CNST: variants seen among roughly 807,000 people sequenced by gnomAD.
The protein encoded by CNST is consortin, connexin sorting protein, also known as consortin.
CNST carries 39 observed loss-of-function variants against 72.4 expected under a neutral mutation model. The observed-to-expected ratio is 0.54, with a 90% CI of 0.42 to 0.70. The LOEUF (loss-of-function observed/expected upper bound fraction) is 0.70. CNST is among the 30% of genes least tolerant of loss of function. The pLI, the probability that CNST is intolerant of heterozygous loss-of-function variation, is 0.00. For missense variants in CNST, 871 were observed against 868.5 expected (o/e 1.00, Z -0.04); for synonymous variants, 332 against 320.1 (o/e 1.04, Z -0.40).
chr1:246,659,459 G>A (rs1319064162), intron 9 of CNST, among the ~76,000 whole-genome samples: 1 of 152,196 alleles, frequency 6.6e-6, no homozygotes, highest in Admixed American at 6.5e-5. Context: ...GCCGAGCATG[G>A]TGGCGGGTGC....
At chr1:246,643,067 T>A (rs1214220751) in intron 8 of CNST, among the ~76,000 whole-genome samples, 2 of 151,188 alleles carry the variant, frequency 1.3e-5, no homozygotes, top group East Asian at 4.0e-4. Flanking sequence ...TTTTTAAAAA[T>A]TTTTGTGGGT....
At position 246,591,635 on chromosome 1, in the gene CNST, G is replaced by A. The variant is rs113124340; in HGVS notation, c.73G>A (p.Val25Met). 129 of 1,614,192 alleles carry A rather than the reference G, an allele frequency of 8.0e-5. No individual in the cohort carries two copies. The highest frequency in any genetic ancestry group is 4.0e-4 in the African/African-American group (30 of 75,054). The change falls in exon 2 of 11, where the codon GTG becomes ATG. Residue 25 changes from valine (V) to methionine (M), a missense_variant. By Grantham distance (21) the Val-to-Met change is conservative. Transcript: ENST00000366513. ...PQDGCHPGDS[V>M]ERSVTCLPSA... ...AGATGGATGTCATCCTGGTGACAGC[G>A]TGGAAAGGAGTGTGACCTGTCTGCC...
chr1:246,599,437 C>A (rs61852376), intron 2 of CNST, among the ~76,000 whole-genome samples: 3 of 152,180 alleles, frequency 2.0e-5, no homozygotes, highest in African/African-American at 7.2e-5. Flanking sequence ...TTCCCACATT[C>A]CCCAGCTTCT....
chr1:246,627,567 T>C (rs1289732127), intron 3 of CNST, among the ~76,000 whole-genome samples: 1 of 151,924 alleles, frequency 6.6e-6, no homozygotes, highest in Non-Finnish European at 1.5e-5. Flanking sequence ...CAAAGGGAGA[T>C]TTTAAGATGA....
chr1:246,593,238 G>A (rs1370250494), intron 2 of CNST, among the ~76,000 whole-genome samples: 2 of 151,880 alleles, frequency 1.3e-5, no homozygotes, highest in South Asian at 2.1e-4. Context: ...TCTGGTTAAT[G>A]TAACTCATAA....
intron 2 of CNST, among the ~76,000 whole-genome samples, chr1:246,601,506 AATT>A (rs1350046626): frequency 6.6e-6 from 1 of 152,024 alleles, no homozygotes; most frequent in Admixed American, 6.6e-5. Context: ...TATTAAATAA[AATT>A]AATGGCCTGG....
intron 2 of CNST, among the ~76,000 whole-genome samples, chr1:246,620,810 C>T (rs1202386598): frequency 2.7e-5 from 4 of 150,084 alleles, no homozygotes; most frequent in Admixed American, 1.3e-4. Flanking sequence ...GGGAAGACGG[C>T]TTCAGTCGTG....
At chr1:246,664,463 G>A (rs1410390612) in intron 10 of CNST, among the ~76,000 whole-genome samples, 1 of 149,948 alleles carries the variant, frequency 6.7e-6, no homozygotes, top group Non-Finnish European at 1.5e-5. Flanking sequence ...GTCTCGCCCT[G>A]TGGCCCAGGC....
chr1:246,602,430 T>C (rs930618948), intron 2 of CNST, among the ~76,000 whole-genome samples: 2 of 152,150 alleles, frequency 1.3e-5, no homozygotes, highest in African/African-American at 4.8e-5. Context: ...GATAATCTGC[T>C]TCCAAGGTCA....
chr1:246,580,349 C>T (rs2103010692), intron 1 of CNST, among the ~76,000 whole-genome samples: 1 of 152,196 alleles, frequency 6.6e-6, no homozygotes, highest in African/African-American at 2.4e-5. Flanking sequence ...ATACTGTACT[C>T]TTTTGAGTAA....
At chr1:246,641,637 T>C (rs1665695017) in intron 6 of CNST, 112 bp from the exon 7 acceptor site, 2 of 670,348 alleles carry the variant, frequency 3.0e-6, no homozygotes, top group Non-Finnish European at 5.3e-6. Flanking sequence ...TGTGCTAATA[T>C]TAGAATCCAG....
chr1:246,663,182 C>T (rs1224094640), intron 10 of CNST, among the ~76,000 whole-genome samples: 1 of 151,712 alleles, frequency 6.6e-6, no homozygotes, highest in Non-Finnish European at 1.5e-5. Flanking sequence ...TGGCAAGACC[C>T]CATCTCTACA....
At chr1:246,601,523 G>A (rs1019331088) in intron 2 of CNST, among the ~76,000 whole-genome samples, 17 of 152,214 alleles carry the variant, frequency 1.1e-4, no homozygotes, top group African/African-American at 3.9e-4. Flanking sequence ...GGCCTGGCAC[G>A]GTGGCTCACA....
intron 3 of CNST, 90 bp downstream of exon 3, chr1:246,621,724 G>A: frequency 8.9e-7 from 1 of 1,127,972 alleles, no homozygotes; most frequent in Non-Finnish European, 1.3e-6. Context: ...GCTGGGCGCA[G>A]TGGCTCATGC....
chr1:246,624,933 C>T (rs1664319030), intron 3 of CNST, among the ~76,000 whole-genome samples: 4 of 152,106 alleles, frequency 2.6e-5, no homozygotes, highest in African/African-American at 7.2e-5. Context: ...GGATTACAGG[C>T]GTGAGCCACC....
At chr1:246,617,477 G>T (rs980354106) in intron 2 of CNST, among the ~76,000 whole-genome samples, 6 of 152,102 alleles carry the variant, frequency 3.9e-5, no homozygotes, top group African/African-American at 1.4e-4. Flanking sequence ...TGACAATAAA[G>T]CTGTTTTTCA....
At chr1:246,660,409 G>C in intron 10 of CNST, 75 bp downstream of exon 10, 1 of 1,484,924 alleles carries the variant, frequency 6.7e-7, no homozygotes. Context: ...TGAATGATGT[G>C]ACGTTTACTA....
intron 6 of CNST, among the ~76,000 whole-genome samples, chr1:246,634,871 C>T (rs918018245): frequency 1.3e-4 from 20 of 152,008 alleles, no homozygotes; most frequent in African/African-American, 4.6e-4. Flanking sequence ...AGGGGTTTTA[C>T]AGTCTCCTGT....
At chr1:246,613,951 C>G (rs2103065217) in intron 2 of CNST, among the ~76,000 whole-genome samples, 1 of 151,894 alleles carries the variant, frequency 6.6e-6, no homozygotes, top group African/African-American at 2.4e-5. Flanking sequence ...GCCTTGGCCT[C>G]CCAAAGTGCT....
Sources: allele counts gnomAD v4.1 joint callset (sites outside exome capture counted in the v4.1 genomes callset), GRCh38; gene constraint gnomAD v4.1.1; transcripts MANE v1.5; gene names NCBI Gene and HGNC (gene_info 2026-07-23, HGNC 2026-07-21).